STIMATE: variants seen among roughly 807,000 people sequenced by gnomAD.
STIMATE encodes the protein STIM activating enhancer.
In STIMATE, 15 loss-of-function variants were observed where a neutral mutation model predicts 36.7. The ratio of observed to expected loss-of-function variants is 0.41; its 90% CI spans 0.27 to 0.63. The LOEUF (loss-of-function observed/expected upper bound fraction) is 0.63, where lower values mean the gene tolerates loss of function less well. Among genes scored for constraint, STIMATE ranks in the 20% least tolerant of loss-of-function variants. The pLI, the probability that STIMATE is intolerant of heterozygous loss-of-function variation, is 0.32. For missense variants in STIMATE, 305 were observed against 397.3 expected (o/e 0.77, Z 1.98); for synonymous variants, 163 against 162.3 (o/e 1.00, Z -0.03).
intron 6 of STIMATE, chr3:52,843,269 C>A: frequency 2.3e-6 from 1 of 428,286 alleles, no homozygotes; most frequent in South Asian, 2.8e-5. Context: ...CCAGGCCCCT[C>A]CCCACAGACT....
chr3:52,852,185 C>T (rs536529427), intron 3 of STIMATE, among the ~76,000 whole-genome samples: 21 of 152,316 alleles, frequency 1.4e-4, no homozygotes, highest in African/African-American at 4.8e-4. Context: ...TGGAAGAGGT[C>T]AATGAGGGTC....
intron 1 of STIMATE, among the ~76,000 whole-genome samples, chr3:52,881,692 A>C (rs897856938): frequency 6.6e-6 from 1 of 152,076 alleles, no homozygotes; most frequent in Non-Finnish European, 1.5e-5. Flanking sequence ...ACAGAGTGAG[A>C]CTCCGTCTCT....
intron 6 of STIMATE, chr3:52,843,190 G>T: frequency 2.5e-6 from 2 of 812,366 alleles, no homozygotes; most frequent in Non-Finnish European, 3.6e-6. Flanking sequence ...GCCCTGACGG[G>T]TTTTTGTTGT....
At chr3:52,894,986 C>T (rs943017920) in intron 1 of STIMATE, among the ~76,000 whole-genome samples, 2 of 152,252 alleles carry the variant, frequency 1.3e-5, no homozygotes, top group African/African-American at 4.8e-5. Context: ...GACTTCCCTC[C>T]CTCAGGGCTG....
At chr3:52,871,861 C>T (rs1173473379) in intron 1 of STIMATE, among the ~76,000 whole-genome samples, 3 of 152,178 alleles carry the variant, frequency 2.0e-5, no homozygotes, top group Admixed American at 6.5e-5. Flanking sequence ...TGCCTTTCCA[C>T]GGCAGATAGA....
At chr3:52,884,608 T>C (rs557785815) in intron 1 of STIMATE, among the ~76,000 whole-genome samples, 51 of 152,350 alleles carry the variant, frequency 3.3e-4, no homozygotes, top group African/African-American at 1.2e-3. Context: ...ATCTGCTTTC[T>C]GTCACTATAG....
intron 7 of STIMATE, chr3:52,841,876 A>G (rs565141801): frequency 6.6e-5 from 10 of 152,418 alleles, no homozygotes; most frequent in African/African-American, 2.4e-4. Context: ...GCTTCTGCCC[A>G]TAACACTGTT....
chr3:52,852,822 C>T (rs1188746067), intron 2 of STIMATE, 124 bp from the exon 3 acceptor site: 4 of 1,197,096 alleles, frequency 3.3e-6, no homozygotes, highest in African/African-American at 3.1e-5. Flanking sequence ...GTTATCTCTT[C>T]CTGGGGCCTT....
At chr3:52,895,710 G>T (rs957271109) in intron 1 of STIMATE, among the ~76,000 whole-genome samples, 2 of 152,140 alleles carry the variant, frequency 1.3e-5, no homozygotes, top group Non-Finnish European at 2.9e-5. Context: ...AAACCCTAGG[G>T]GACAAGCCGG....
At chr3:52,864,121 G>T (rs1424109751) in intron 1 of STIMATE, among the ~76,000 whole-genome samples, 1 of 152,186 alleles carries the variant, frequency 6.6e-6, no homozygotes, top group Non-Finnish European at 1.5e-5. Flanking sequence ...CTCCGTGTGG[G>T]GGCTCCGACC....
chr3:52,847,272 G>T, intron 4 of STIMATE: 1 of 1,172,064 alleles, frequency 8.5e-7, no homozygotes, highest in Non-Finnish European at 1.1e-6. Context: ...TTTTGTTTGG[G>T]TTTAATTATT....
At chr3:52,894,875 C>T (rs187316937) in intron 1 of STIMATE, among the ~76,000 whole-genome samples, 6 of 152,332 alleles carry the variant, frequency 3.9e-5, no homozygotes, top group South Asian at 2.1e-4. Context: ...CAAAGGACAA[C>T]GGCTGTTTAA....
intron 5 of STIMATE, among the ~76,000 whole-genome samples, chr3:52,844,019 T>C (rs1023101712): frequency 6.6e-6 from 1 of 152,176 alleles, no homozygotes; most frequent in African/African-American, 2.4e-5. Flanking sequence ...AGCTTTCCCC[T>C]CAGTGTGGAC....
At position 52,897,309 on chromosome 3, in the gene STIMATE, C is replaced by T. The variant is rs867961531; in HGVS notation, c.142G>A (p.Ala48Thr). Residue 48 changes from alanine to threonine, a missense_variant, in exon 1 of 8, where the codon GCC becomes ACC. Ala to Thr is a moderately conservative substitution (Grantham distance 58). Coordinates refer to ENST00000355083, the MANE Select transcript of STIMATE (RefSeq NM_198563.5). ...IFLQGLLGVVAFSTLMLKRFR... is the reference protein window; with the variant it reads ...IFLQGLLGVVTFSTLMLKRFR... ...GACTCACGCATTAACGTGCTGAAGG[C>T]CACGACGCCGAGCAGCCCCTGCAGG... 1 of 1,554,714 alleles carries T rather than the reference C, an allele frequency of 6.4e-7. No homozygotes were observed. The highest frequency in any genetic ancestry group is 1.8e-5 in the Admixed American group (1 of 54,228).
chr3:52,876,618 C>T (rs1275411386), intron 1 of STIMATE, among the ~76,000 whole-genome samples: 1 of 152,206 alleles, frequency 6.6e-6, no homozygotes, highest in Admixed American at 6.5e-5. Context: ...ATTACGAACA[C>T]AAGTTTTCAT....
intron 1 of STIMATE, among the ~76,000 whole-genome samples, chr3:52,866,283 G>A (rs189151213): frequency 1.3e-3 from 193 of 152,348 alleles, no homozygotes; most frequent in African/African-American, 4.3e-3. Flanking sequence ...CAATTTGATC[G>A]CTGAAGAGGC....
At chr3:52,886,561 T>G (rs1439354509) in intron 1 of STIMATE, among the ~76,000 whole-genome samples, 1 of 152,256 alleles carries the variant, frequency 6.6e-6, no homozygotes, top group African/African-American at 2.4e-5. Flanking sequence ...TGACTCAGTT[T>G]CGTCACCAGA....
At chr3:52,895,904 T>G in intron 1 of STIMATE, 1 of 1,289,782 alleles carries the variant, frequency 7.8e-7, no homozygotes. Context: ...ACACGTACAG[T>G]ACATGCGCCC....
chr3:52,840,410 G>A lies in STIMATE; in HGVS notation c.*84C>T. The A allele has an allele frequency of 7.0e-7, 1 of 1,419,534 alleles. No homozygotes were observed. The highest frequency in any genetic ancestry group is 9.7e-7 in the Non-Finnish European group (1 of 1,028,236). 87.9% of individuals were successfully genotyped at this position (1,419,534 alleles called of 1,614,324 possible). A position where few individuals can be genotyped will look rare whatever the true frequency, so the allele number is the denominator to read the frequency against. On this transcript the variant is annotated 3_prime_UTR_variant, in exon 8 of 8. Transcript: ENST00000355083. ...CAGAGGTAGAAAGGAAGGGCAGAGA[G>A]AGGGTAAGGAACGATGCTGCGGGAT...
Sources: allele counts gnomAD v4.1 joint callset (sites outside exome capture counted in the v4.1 genomes callset), GRCh38; gene constraint gnomAD v4.1.1; transcripts MANE v1.5; gene names NCBI Gene and HGNC (gene_info 2026-07-23, HGNC 2026-07-21).